The following CRPPA variants were observed in gnomAD, a reference collection of about 807,000 sequenced individuals.
CRPPA encodes the protein D-ribitol-5-phosphate cytidylyltransferase.
In CRPPA, 43 loss-of-function variants were observed where a neutral mutation model predicts 52.0. The ratio of observed to expected loss-of-function variants is 0.83; its 90% confidence interval spans 0.65 to 1.07. The LOEUF is 1.07. CRPPA is among the 50% of genes least tolerant of loss of function. The pLI, the probability that CRPPA is intolerant of heterozygous loss-of-function variation, is 0.00. For synonymous variants in CRPPA, 250 were observed against 203.5 expected (o/e 1.23, Z -1.94); for missense variants, 629 against 551.7 (o/e 1.14, Z -1.40).
At chr7:16,254,792 G>GAAAGAAAGAAAGAAGGAAAGAAAGAAA (rs1783573898) in intron 8 of CRPPA, among the ~76,000 whole-genome samples, 2 of 101,662 alleles carry the variant, frequency 2.0e-5, no homozygotes, top group Admixed American at 1.1e-4. Flanking sequence ...AAAGAAAGAA[G>GAAAGAAAGAAAGAAGGAAAGAAAGAAA]GAAAGAAAGA....
intron 9 of CRPPA, among the ~76,000 whole-genome samples, chr7:16,101,646 A>G (rs2128364101): frequency 6.6e-6 from 1 of 152,254 alleles, no homozygotes; most frequent in Middle Eastern, 3.4e-3. Context: ...ATCAATGTGC[A>G]AAAATCACAA....
At chr7:16,379,183 A>G (rs1197238204) in intron 2 of CRPPA, among the ~76,000 whole-genome samples, 1 of 152,196 alleles carries the variant, frequency 6.6e-6, no homozygotes, top group Non-Finnish European at 1.5e-5. Context: ...GTTCTTGCCC[A>G]TGCCTATGTC....
At chr7:16,204,316 G>A (rs976784629) in intron 9 of CRPPA, among the ~76,000 whole-genome samples, 8 of 152,064 alleles carry the variant, frequency 5.3e-5, no homozygotes, top group Admixed American at 2.0e-4. Flanking sequence ...AAAATTCTGA[G>A]ATTTTGCAGC....
chr7:16,337,049 C>T (rs1188734466), intron 3 of CRPPA, among the ~76,000 whole-genome samples: 3 of 151,928 alleles, frequency 2.0e-5, no homozygotes, highest in Admixed American at 2.0e-4. Context: ...ACCTCTATAT[C>T]CCACTTTCAA....
At position 16,252,649 on chromosome 7, in the gene CRPPA, T is replaced by C. The variant is rs1195235925; in HGVS notation, c.1119+5741A>G. ...TGAGTTAGAGAGGATTCCCTCATTTTCTATTGATTGGAATAGTTTCAGAAG... is the reference window on the plus strand; with the variant it reads ...TGAGTTAGAGAGGATTCCCTCATTTCCTATTGATTGGAATAGTTTCAGAAG... On this transcript the variant is annotated intron_variant, in intron 8 of 9. Transcript: ENST00000407010. Among the ~76,000 whole-genome samples the C allele has an allele frequency of 3.3e-5, 5 of 152,350 alleles. No homozygotes were observed. The East Asian group carries it at 9.6e-4, about 29-fold the overall frequency.
intron 2 of CRPPA, among the ~76,000 whole-genome samples, chr7:16,379,840 A>G (rs1787025257): frequency 6.6e-6 from 1 of 152,142 alleles, no homozygotes; most frequent in African/African-American, 2.4e-5. Flanking sequence ...CATTGATTTT[A>G]TATCCCGAGA....
intron 9 of CRPPA, among the ~76,000 whole-genome samples, chr7:16,142,169 T>C (rs1333198359): frequency 2.0e-5 from 3 of 152,210 alleles, no homozygotes; most frequent in Non-Finnish European, 4.4e-5. Context: ...GACTGGCTTC[T>C]ACATTTGAAC....
intron 2 of CRPPA, among the ~76,000 whole-genome samples, chr7:16,378,832 G>A (rs984378675): frequency 6.6e-6 from 1 of 152,132 alleles, no homozygotes; most frequent in South Asian, 2.1e-4. Flanking sequence ...ATCTCACTGT[G>A]GTTTTGATTT....
chr7:16,397,417 G>A (rs1009255196), intron 2 of CRPPA, among the ~76,000 whole-genome samples: 3 of 152,184 alleles, frequency 2.0e-5, no homozygotes, highest in Non-Finnish European at 4.4e-5. Flanking sequence ...TAATGGACAC[G>A]TGACTGACAC....
At chr7:16,274,017 T>C (rs1346288237) in intron 6 of CRPPA, among the ~76,000 whole-genome samples, 2 of 152,186 alleles carry the variant, frequency 1.3e-5, no homozygotes, top group Non-Finnish European at 2.9e-5. Context: ...TGACACTCCA[T>C]AATCAGTGTT....
rs1785099481 is a variant in CRPPA, at chr7:16,314,430, G to C, written c.685-5803C>G. 2.0e-5 allele frequency among the ~76,000 whole-genome samples: 3 copies of C among 151,962 alleles called. 1 individual carries two copies. The highest frequency in any genetic ancestry group is 2.0e-4 in the Admixed American group (3 of 15,242). On this transcript the variant is annotated intron_variant, in intron 3 of 9. Coordinates refer to ENST00000407010, the MANE Select transcript of CRPPA (RefSeq NM_001101426.4). ...ATTTCACTATGTAAGCACACAATCA[G>C]ATACATCGTTGCTATTATTGTTTTG...
At chr7:16,368,449 T>A (rs1316786865) in intron 3 of CRPPA, among the ~76,000 whole-genome samples, 2 of 152,200 alleles carry the variant, frequency 1.3e-5, no homozygotes, top group African/African-American at 2.4e-5. Flanking sequence ...AACAAACACA[T>A]ACGAATTTAT....
intron 9 of CRPPA, among the ~76,000 whole-genome samples, chr7:16,212,165 G>C (rs1283987165): frequency 6.6e-6 from 1 of 152,068 alleles, no homozygotes; most frequent in African/African-American, 2.4e-5. Flanking sequence ...TCAGGCTAAG[G>C]GAGAGGGTAA....
intron 9 of CRPPA, among the ~76,000 whole-genome samples, chr7:16,099,603 A>G (rs1487804224): frequency 6.6e-6 from 1 of 152,190 alleles, no homozygotes; most frequent in African/African-American, 2.4e-5. Flanking sequence ...GAGCAGGAAC[A>G]GAGAGTAGGA....
At chr7:16,369,416 G>T (rs573641041) in intron 3 of CRPPA, among the ~76,000 whole-genome samples, 1 of 152,296 alleles carries the variant, frequency 6.6e-6, no homozygotes, top group East Asian at 1.9e-4. Context: ...TAACTACTGG[G>T]TTTAAGCCAG....
At chr7:16,270,819 G>C (rs1052589345) in intron 6 of CRPPA, among the ~76,000 whole-genome samples, 10 of 152,048 alleles carry the variant, frequency 6.6e-5, no homozygotes, top group African/African-American at 2.4e-4. Flanking sequence ...TAAAATAACT[G>C]TTTTGGATAG....
intron 2 of CRPPA, among the ~76,000 whole-genome samples, chr7:16,394,248 A>T (rs1233536831): frequency 6.6e-6 from 1 of 152,178 alleles, no homozygotes; most frequent in East Asian, 1.9e-4. Context: ...AATGTCCATC[A>T]CCTGTAAAAT....
In CRPPA at chr7:16,355,278, C is replaced by A. The variant is rs553281835; in HGVS notation, c.684+20814G>T. ...TTCTACTGAGTGGATACTCAATGAA[C>A]TAGTTTCCCTTTCCCTTGGCATAAA... On this transcript the variant is annotated intron_variant, in intron 3 of 9. Transcript: ENST00000407010. Among the ~76,000 whole-genome samples the A allele has an allele frequency of 4.6e-5, 7 of 152,292 alleles. No homozygotes were observed. The East Asian group carries it at 1.4e-3, about 29-fold the overall frequency.
intron 9 of CRPPA, among the ~76,000 whole-genome samples, chr7:16,193,862 T>A (rs1249485757): frequency 2.0e-5 from 3 of 152,096 alleles, no homozygotes; most frequent in Admixed American, 2.0e-4. Flanking sequence ...TTGTTTCCTT[T>A]ACTTAGGCAG....
Sources: allele counts gnomAD v4.1 joint callset (sites outside exome capture counted in the v4.1 genomes callset), GRCh38; gene constraint gnomAD v4.1.1; transcripts MANE v1.5; gene names NCBI Gene and HGNC (gene_info 2026-07-23, HGNC 2026-07-21).